The following STAB2 variants were observed in gnomAD, a reference collection of about 807,000 sequenced individuals.
STAB2 encodes the protein stabilin 2.
Under a neutral mutation model 338.1 loss-of-function variants are expected in STAB2, and 288 were observed. The ratio of observed to expected loss-of-function variants is 0.85; its 90% CI spans 0.77 to 0.94. The LOEUF (loss-of-function observed/expected upper bound fraction) is 0.94, where lower values mean the gene tolerates loss of function less well. Ranked by LOEUF, STAB2 falls within the 40% of genes least tolerant of loss-of-function variation. STAB2 has a pLI of 0.00. For missense variants in STAB2, 3,141 were observed against 3,210.1 expected (o/e 0.98, Z 0.52); for synonymous variants, 1,202 against 1,193.3 (o/e 1.01, Z -0.15).
At chr12:103,619,749 G>A (rs1007975413) in intron 3 of STAB2, among the ~76,000 whole-genome samples, 9 of 139,840 alleles carry the variant, frequency 6.4e-5, no homozygotes, top group South Asian at 2.3e-4. Flanking sequence ...CATCAGCAAC[G>A]CCCCCCGCCC....
chr12:103,657,957 C>T (rs543513764), intron 15 of STAB2: 1 of 152,308 alleles, frequency 6.6e-6, no homozygotes, highest in South Asian at 2.1e-4. Context: ...CTTTGGAATG[C>T]CATGTCTTCT....
chr12:103,600,703 G>T (rs1216441780), intron 3 of STAB2, among the ~76,000 whole-genome samples: 2 of 152,190 alleles, frequency 1.3e-5, no homozygotes, highest in Non-Finnish European at 2.9e-5. Context: ...GCTGGGCCAG[G>T]GTGAAGCACC....
chr12:103,617,025 G>C (rs530194223), intron 3 of STAB2, among the ~76,000 whole-genome samples: 3 of 152,182 alleles, frequency 2.0e-5, no homozygotes, highest in South Asian at 2.1e-4. Context: ...CTTTAACAAG[G>C]CCCTTTCTTC....
At chr12:103,689,649 A>G (rs1019992996) in intron 28 of STAB2, among the ~76,000 whole-genome samples, 197 bp from the exon 29 acceptor site, 1 of 152,196 alleles carries the variant, frequency 6.6e-6, no homozygotes, top group African/African-American at 2.4e-5. Context: ...TTGCTTTGAT[A>G]AGACTCATAC....
chr12:103,668,889 A>C, intron 20 of STAB2, 160 bp downstream of exon 20: 1 of 614,634 alleles, frequency 1.6e-6, no homozygotes, highest in Admixed American at 3.1e-5. Context: ...TGGTGGCCAG[A>C]CTCTGTCCTT....
chr12:103,640,318 C>T lies in STAB2; in HGVS notation c.1040+62C>T. The T allele has an allele frequency of 2.6e-6, 4 of 1,567,690 alleles. No individual in the cohort carries two copies. In the South Asian group the frequency reaches 4.7e-5, roughly 19 times the overall value. ...TGGTGAAAATGGTGTCCAGTCATTG[C>T]TGTAAGTTTCTTGAAGGGGAGGAAA... On this transcript the variant is annotated intron_variant, in intron 9 of 68. Coordinates refer to ENST00000388887, the MANE Select transcript of STAB2 (RefSeq NM_017564.10).
intron 3 of STAB2, among the ~76,000 whole-genome samples, chr12:103,596,435 A>G (rs1227169611): frequency 6.6e-6 from 1 of 152,202 alleles, no homozygotes; most frequent in Non-Finnish European, 1.5e-5. Context: ...GGTTGGGGCA[A>G]GTGACTTTCT....
chr12:103,664,310 AT>A (rs1320172233), intron 18 of STAB2, among the ~76,000 whole-genome samples: 3 of 151,816 alleles, frequency 2.0e-5, no homozygotes, highest in Non-Finnish European at 4.4e-5. Flanking sequence ...CGCCCGGCTA[AT>A]TTTTTTGTAT....
chr12:103,616,072 T>C (rs1957206260), intron 3 of STAB2, among the ~76,000 whole-genome samples: 1 of 152,148 alleles, frequency 6.6e-6, no homozygotes, highest in South Asian at 2.1e-4. Context: ...GAATCACCCT[T>C]AGAGGAACAC....
intron 25 of STAB2, among the ~76,000 whole-genome samples, chr12:103,682,093 T>C (rs1876965161): frequency 1.3e-5 from 2 of 151,916 alleles, no homozygotes; most frequent in African/African-American, 4.9e-5. Context: ...CCTCTTACAG[T>C]ATCTGTCTCC....
chr12:103,591,478 A>G (rs186680066), intron 2 of STAB2, among the ~76,000 whole-genome samples: 1 of 152,304 alleles, frequency 6.6e-6, no homozygotes, highest in East Asian at 1.9e-4. Flanking sequence ...GAGTGAAACT[A>G]TATCTCAAAA....
At chr12:103,763,343 T>G (rs759325384) in intron 67 of STAB2, 149 bp from the exon 68 acceptor site, 3 of 658,974 alleles carry the variant, frequency 4.6e-6, no homozygotes, top group South Asian at 1.8e-5. Flanking sequence ...TTGGTAAATT[T>G]TATTATATGT....
intron 6 of STAB2, 116 bp downstream of exon 6, chr12:103,631,809 T>G: frequency 1.1e-6 from 1 of 900,964 alleles, no homozygotes; most frequent in Admixed American, 2.3e-5. Context: ...CCAAAAGTTT[T>G]CTGGAAAGAA....
intron 44 of STAB2, among the ~76,000 whole-genome samples, chr12:103,721,167 G>T (rs751750973): frequency 1.3e-5 from 2 of 152,164 alleles, no homozygotes; most frequent in Non-Finnish European, 2.9e-5. Context: ...CAAACATTTA[G>T]ACTAGAGCAG....
Position 103,638,065 on chromosome 12 carries a change from G to A in STAB2, c.759G>A (p.Thr253=), listed in dbSNP as rs748132799. 67 of 1,614,002 alleles carry A rather than the reference G, an allele frequency of 4.2e-5. No individual in the cohort carries two copies. Among genetic ancestry groups the A allele is most frequent in the Non-Finnish European group, 5.4e-5 (64 of 1,180,030 alleles). The change falls in exon 8 of 69, where the codon ACG becomes ACA. Residue 253 remains threonine (T), a synonymous_variant. Coordinates refer to ENST00000388887, the MANE Select transcript of STAB2 (RefSeq NM_017564.10). ...TCTGCCACCCTCATGCTCATTGTAC[G>A]TACCTGGGACCAAATCGGCACAGTT... The part of the protein sequence containing the change: ...RKICHPHAHC[T]YLGPNRHSCT...
Position 103,754,945 on chromosome 12 carries a change from C to CAAAAA in STAB2, c.6715-345_6715-341dup. ...TGGGTGACAGAGCAAGACTCCACCT[C>CAAAAA]AAAAAAAAAAAAAAAATTTGAGTTC... On this transcript the variant is annotated intron_variant, in intron 61 of 68. Coordinates refer to ENST00000388887, the MANE Select transcript of STAB2 (RefSeq NM_017564.10). 6 of 158,516 alleles carry CAAAAA rather than the reference C, an allele frequency of 3.8e-5. No homozygotes were observed. In the East Asian group the frequency reaches 4.7e-4, roughly 12 times the overall value. The allele number at this position is 158,516 out of a possible 1,614,324, so 9.8% of individuals were successfully genotyped here.
In STAB2 at chr12:103,670,789, G is replaced by A. The variant is rs140525330; in HGVS notation, c.2353G>A (p.Gly785Arg). The change falls in exon 22 of 69, where the codon GGA (glycine) becomes AGA (arginine). Residue 785 changes from glycine (G) to arginine (R), a missense_variant. Gly to Arg is a moderately radical substitution (Grantham distance 125). Transcript: ENST00000388887. ...CQFCSDPNKY[G>R]PRCNKKCLCV... ...GTTCTGCTCTGATCCCAATAAATAC[G>A]GACCTCGGTGTAACAAAAGTAAGTG... 19 of 1,613,738 alleles carry A rather than the reference G, an allele frequency of 1.2e-5. No homozygotes were observed. The highest frequency in any genetic ancestry group is 1.0e-4 in the Admixed American group (6 of 59,968).
intron 54 of STAB2, 59 bp downstream of exon 54, chr12:103,739,527 CTGTG>C (rs35471201): frequency 0.027 from 18,004 of 669,192 alleles, 115 homozygotes; most frequent in East Asian, 0.059. Flanking sequence ...ATTATCAGAC[CTGTG>C]TGTGTGTGTG....
chr12:103,678,264 T>A (rs1006454813), intron 25 of STAB2, among the ~76,000 whole-genome samples: 3 of 152,226 alleles, frequency 2.0e-5, no homozygotes, highest in African/African-American at 7.2e-5. Flanking sequence ...TGAACTTTTT[T>A]AAAGACCTAC....
Sources: allele counts gnomAD v4.1 joint callset (sites outside exome capture counted in the v4.1 genomes callset), GRCh38; gene constraint gnomAD v4.1.1; transcripts MANE v1.5; gene names NCBI Gene and HGNC (gene_info 2026-07-23, HGNC 2026-07-21).